The following ZC3H4 variants were observed in gnomAD, a reference collection of about 807,000 sequenced individuals.
The protein encoded by ZC3H4 is zinc finger CCCH-type containing 4, also known as zinc finger CCCH domain-containing protein 4.
ZC3H4 carries 13 observed loss-of-function variants against 108.3 expected under a neutral mutation model. That is an observed-to-expected ratio of 0.12 (90% CI 0.08 to 0.19). The LOEUF (loss-of-function observed/expected upper bound fraction) is 0.19, where lower values mean the gene tolerates loss of function less well. ZC3H4 is among the 10% of genes least tolerant of loss of function. ZC3H4 has a pLI of 1.00. For missense variants in ZC3H4, 1,734 were observed against 1,838.8 expected, an observed-to-expected ratio of 0.94 and a Z score of 1.04; for synonymous variants, 917 against 749.6, an observed-to-expected ratio of 1.22 and a Z score of -3.65.
chr19:47,108,987 A>G (rs2058001864), intron 2 of ZC3H4, among the ~76,000 whole-genome samples: 2 of 152,164 alleles, frequency 1.3e-5, no homozygotes, highest in African/African-American at 4.8e-5. Context: ...GGAGACTTTG[A>G]TTTGCTTTCA....
Position 47,072,088 on chromosome 19 carries a change from C to T in ZC3H4, c.1836G>A (p.Met612Ile), listed in dbSNP as rs1245929576. 1.3e-6 allele frequency: 2 copies of T among 1,559,948 alleles called. No homozygotes were observed. Among genetic ancestry groups the T allele is most frequent in the East Asian group, 2.3e-5 (1 of 43,060 alleles). ...GGGGTCCCATGTTGGGCCCAGGGCCCATTGGCCCTGGGGGTCCACCGGGTC... is the reference window on the plus strand; with the variant it reads ...GGGGTCCCATGTTGGGCCCAGGGCCTATTGGCCCTGGGGGTCCACCGGGTC... The part of the protein sequence containing the change: ...FPGPGGPPGP[M>I]GPGPNMGPPG... Residue 612 changes from methionine to isoleucine, a missense_variant, in exon 13 of 15, where the codon ATG becomes ATA. Physicochemically the swap from Met to Ile is conservative, Grantham distance 10. This residue lies in a region of ZC3H4 where 540 missense variants were observed against 484.1 expected (regional missense o/e 1.12). Transcript: ENST00000253048. This position sits in a 1 kb window ranked among gnomAD's most constrained non-coding sequence, Gnocchi z 5.6.
At chr19:47,070,052 G>A (rs1353163639) in intron 13 of ZC3H4, among the ~76,000 whole-genome samples, 1 of 152,206 alleles carries the variant, frequency 6.6e-6, no homozygotes, top group African/African-American at 2.4e-5. Flanking sequence ...AGGCGTAGAG[G>A]GGAGGGCAGG....
rs201380809 is a variant in ZC3H4 at position 47,067,175 on chromosome 19, C to T, written c.3093G>A (p.Thr1031=). ...PNARQRPGAS[T]DSSTQGANLP... ...GGTTGGCGCCCTGTGTGCTGGAATC[C>T]GTGGAGGCGCCCGGGCGCTGCCGGG... The change falls in exon 15 of 15, where the codon ACG becomes ACA. Residue 1031 remains threonine, a synonymous_variant. Coordinates refer to ENST00000253048, the MANE Select transcript of ZC3H4 (RefSeq NM_015168.2). The surrounding 1 kb of genome is among the most constrained non-coding windows in gnomAD (Gnocchi z 6.4). 176 of 1,611,330 alleles carry T rather than the reference C, an allele frequency of 1.1e-4. No individual in the cohort carries two copies. Among genetic ancestry groups the T allele is most frequent in the Middle Eastern group, 8.3e-4 (5 of 6,046 alleles).
rs553275773 is a variant in ZC3H4, at chr19:47,109,514, T to C, written c.161+2910A>G. 7.2e-5 allele frequency among the ~76,000 whole-genome samples: 11 copies of C among 152,326 alleles called. No individual in the cohort carries two copies. The South Asian group carries it at 2.3e-3, about 32-fold the overall frequency. On this transcript the variant is annotated intron_variant, in intron 2 of 14. Transcript: ENST00000253048. ...CAAAGGATGGGAAACTTCAAATAAG[T>C]GCAATTCATTTTGGGCTGACCCAGT...
chr19:47,112,566 T>A lies in ZC3H4; in HGVS notation c.19A>T (p.Thr7Ser), dbSNP rs1038677418. 1 of 1,055,706 alleles carries A rather than the reference T, an allele frequency of 9.5e-7. No homozygotes were observed. Among genetic ancestry groups the A allele is most frequent in the Non-Finnish European group, 1.2e-6 (1 of 829,562 alleles). The allele number at this position is 1,055,706 out of a possible 1,614,324, so 65.4% of individuals were successfully genotyped here. MEAAPG[T>S]PPPPPSESPP... ...GACTCTGATGGCGGCGGCGGGGGGG[T>A]CCCGGGCGCGGCCTCCATAGTTCCT... The change falls in exon 2 of 15, where the codon ACC (threonine) becomes TCC (serine). Residue 7 changes from threonine to serine, a missense_variant. By Grantham distance (58) the Thr-to-Ser change is moderately conservative. Transcript: ENST00000253048.
At chr19:47,068,197 T>TA (rs1315433977) in intron 14 of ZC3H4, among the ~76,000 whole-genome samples, 3 of 152,248 alleles carry the variant, frequency 2.0e-5, no homozygotes, top group African/African-American at 7.2e-5. Flanking sequence ...ACAGTGCCGT[T>TA]ACATTGGAGT....
rs1440332642 is a variant in ZC3H4 at position 47,112,406 on chromosome 19, C to A, written c.161+18G>T. The stretch of plus-strand genomic sequence containing the variant: ...CCTCCCCCCGGGGACGCAGCCCCGG[C>A]CCAACCGGGGGCCTGACCTGTCGTC... On this transcript the variant is annotated intron_variant, in intron 2 of 14. Transcript: ENST00000253048. The A allele has an allele frequency of 4.1e-6, 5 of 1,233,712 alleles. No individual in the cohort carries two copies. The highest frequency in any genetic ancestry group is 5.1e-6 in the Non-Finnish European group (5 of 987,768). 76.4% of individuals were successfully genotyped at this position (1,233,712 alleles called of 1,614,324 possible).
intron 2 of ZC3H4, among the ~76,000 whole-genome samples, chr19:47,106,842 T>C (rs2057974229): frequency 6.6e-6 from 1 of 152,180 alleles, no homozygotes; most frequent in Non-Finnish European, 1.5e-5. Flanking sequence ...CTTATCTGAC[T>C]CAGCCAGATC....
chr19:47,073,866 C>G (rs930554514), intron 11 of ZC3H4, among the ~76,000 whole-genome samples: 5 of 152,246 alleles, frequency 3.3e-5, no homozygotes, highest in African/African-American at 9.6e-5. Context: ...CTACATCTAT[C>G]AGTATGTCAC....
chr19:47,097,559 A>G (rs2057841808), intron 2 of ZC3H4, among the ~76,000 whole-genome samples: 1 of 152,212 alleles, frequency 6.6e-6, no homozygotes. Flanking sequence ...TTCAACAGAA[A>G]GCAAAAAGAA....
At chr19:47,095,063 A>G (rs1600090547) in intron 2 of ZC3H4, among the ~76,000 whole-genome samples, 1 of 152,352 alleles carries the variant, frequency 6.6e-6, no homozygotes. Flanking sequence ...GCTTGACCAC[A>G]GAAGTCTCTC....
intron 5 of ZC3H4, 152 bp from the exon 6 acceptor site, chr19:47,086,690 C>A (rs1331330773): frequency 3.6e-6 from 5 of 1,395,268 alleles, no homozygotes; most frequent in Non-Finnish European, 4.7e-6. Flanking sequence ...TTCCTAGATG[C>A]CCCAGGTAGG....
intron 2 of ZC3H4, among the ~76,000 whole-genome samples, chr19:47,100,932 A>C (rs1390362142): frequency 1.3e-5 from 2 of 152,000 alleles, no homozygotes; most frequent in African/African-American, 2.4e-5. Context: ...TCCTGACCTC[A>C]GGTGATCCGC....
intron 2 of ZC3H4, among the ~76,000 whole-genome samples, chr19:47,105,418 C>T (rs946376689): frequency 1.3e-5 from 2 of 152,104 alleles, no homozygotes; most frequent in Non-Finnish European, 2.9e-5. Context: ...CTGGCCAACA[C>T]GGTGAAACCC....
intron 2 of ZC3H4, chr19:47,110,879 T>A (rs1043235391): frequency 2.0e-6 from 2 of 981,476 alleles, no homozygotes; most frequent in Non-Finnish European, 2.4e-6. Flanking sequence ...AAAAAAAAAA[T>A]GTTGTAAAAG....
Position 47,066,890 on chromosome 19 carries a change from C to T in ZC3H4, c.3378G>A (p.Leu1126=). The T allele has an allele frequency of 6.3e-7, 1 of 1,598,282 alleles. No homozygotes were observed. Among genetic ancestry groups the T allele is most frequent in the South Asian group, 1.1e-5 (1 of 90,620 alleles). The part of the protein sequence containing the change: ...PATAPYDPRV[L]AAGGLGQGGG... ...CGCCCTGGCCCAGTCCACCGGCCGC[C>T]AGCACGCGGGGGTCGTAGGGAGCGG... The change falls in exon 15 of 15, where the codon CTG becomes CTA. Residue 1126 remains leucine, a synonymous_variant. Transcript: ENST00000253048.
intron 2 of ZC3H4, among the ~76,000 whole-genome samples, chr19:47,109,765 CG>C (rs2058014339): frequency 6.6e-6 from 1 of 152,088 alleles, no homozygotes; most frequent in African/African-American, 2.4e-5. Flanking sequence ...AAAAACAAAA[CG>C]GTTCTTTTGG....
intron 2 of ZC3H4, among the ~76,000 whole-genome samples, chr19:47,096,192 C>T (rs531731173): frequency 3.3e-5 from 5 of 152,360 alleles, no homozygotes; most frequent in African/African-American, 1.2e-4. Flanking sequence ...CCCAGCCCCA[C>T]AGATACCCCT....
At chr19:47,082,734 T>C (rs761273424) in intron 9 of ZC3H4, among the ~76,000 whole-genome samples, 7 of 152,252 alleles carry the variant, frequency 4.6e-5, no homozygotes, top group Admixed American at 2.0e-4. Context: ...TGTTTAAAGA[T>C]GGCAGAATAG....
Sources: gnomAD v4.1 joint callset for allele counts (sites outside exome capture counted in the v4.1 genomes callset) on GRCh38, gnomAD v4.1.1 for gene constraint, gnomAD v4.1.1 regional missense constraint, Gnocchi (gnomAD v3.1) non-coding constraint, MANE v1.5 for transcripts, NCBI Gene and HGNC (gene_info 2026-07-23, HGNC 2026-07-21) for gene names.